Variants in CCDC7 observed in about 807,000 individuals in gnomAD.
CCDC7 encodes coiled-coil domain containing 7.
Under a neutral mutation model 196.9 loss-of-function variants are expected in CCDC7, and 183 were observed. The observed-to-expected ratio is 0.93, with a 90% CI of 0.82 to 1.05. CCDC7 has a LOEUF of 1.05. CCDC7 is among the 50% of genes least tolerant of loss of function. CCDC7 has a pLI of 0.00. For synonymous variants in CCDC7, 525 were observed against 484.6 expected (o/e 1.08, Z -1.10); for missense variants, 1,540 against 1,482.2 (o/e 1.04, Z -0.64).
chr10:32,678,667 A>G (rs977673401), intron 21 of CCDC7, among the ~76,000 whole-genome samples: 1 of 152,158 alleles, frequency 6.6e-6, no homozygotes, highest in African/African-American at 2.4e-5. Context: ...CTCTCAGGTT[A>G]TACCATAACA....
At chr10:32,731,201 G>A (rs2083908229) in intron 28 of CCDC7, among the ~76,000 whole-genome samples, 2 of 152,058 alleles carry the variant, frequency 1.3e-5, no homozygotes, top group East Asian at 3.9e-4. Context: ...TCAGTCTCTA[G>A]TAAGGTCTTT....
rs540184607 is a variant in CCDC7, at chr10:32,637,819, G to A, written c.2014+2661G>A. ...GCCTTGAATCTATAAATTACCTTGG[G>A]CAGTATGGTCATTTTCACGATATTG... On this transcript the variant is annotated intron_variant, in intron 20 of 41. Transcript: ENST00000639629. Among the ~76,000 whole-genome samples the A allele has an allele frequency of 5.6e-4, 85 of 152,246 alleles. No individual in the cohort carries two copies. In the South Asian group the frequency reaches 0.017, roughly 31 times the overall value.
intron 20 of CCDC7, among the ~76,000 whole-genome samples, chr10:32,649,674 A>C (rs1490143735): frequency 6.6e-6 from 1 of 152,224 alleles, no homozygotes; most frequent in Non-Finnish European, 1.5e-5. Context: ...TTGCCTTCTT[A>C]CATAATCCCA....
chr10:32,800,710 C>G (rs1467671460), intron 29 of CCDC7, among the ~76,000 whole-genome samples: 1 of 152,106 alleles, frequency 6.6e-6, no homozygotes, highest in Admixed American at 6.5e-5. Flanking sequence ...GTAGTGGGAT[C>G]CTTCCTCAAG....
Position 32,552,542 on chromosome 10 carries a change from T to A in CCDC7, c.1134+8241T>A, listed in dbSNP as rs1203427867. On this transcript the variant is annotated intron_variant, in intron 13 of 41. Transcript: ENST00000639629. ...GTGAATTTATGCTTTAAAGAGGTTC[T>A]GTTTTGATGTGTTTCCAGGATTTGT... 3.3e-5 allele frequency among the ~76,000 whole-genome samples: 5 copies of A among 152,232 alleles called. No homozygotes were observed. In the East Asian group the frequency reaches 9.6e-4, roughly 29 times the overall value.
rs755122004 is a variant in CCDC7 at position 32,568,125 on chromosome 10, G to A, written c.1419+234G>A. Among the ~76,000 whole-genome samples, 11 of 148,750 alleles carry A rather than the reference G, an allele frequency of 7.4e-5. No individual in the cohort carries two copies. In the East Asian group the frequency reaches 1.6e-3, roughly 22 times the overall value. ...TGGTTCAAGGGATTCTCCTGCCTCC[G>A]CCTCCTGAGTAGCTGGGATTACAGG... On this transcript the variant is annotated intron_variant, in intron 15 of 41. Coordinates refer to ENST00000639629, the Ensembl canonical transcript of CCDC7.
At chr10:32,681,529 C>G (rs2075847075) in intron 21 of CCDC7, among the ~76,000 whole-genome samples, 1 of 152,062 alleles carries the variant, frequency 6.6e-6, no homozygotes, top group Admixed American at 6.6e-5. Context: ...GCCCAAGAGC[C>G]TGGTTGGCCA....
In CCDC7 at chr10:32,705,859, C is replaced by G. The variant is rs1056844968; in HGVS notation, c.2459-5761C>G. Among the ~76,000 whole-genome samples, 6 of 152,078 alleles carry G rather than the reference C, an allele frequency of 3.9e-5. 1 individual carries two copies. On this transcript the variant is annotated intron_variant, in intron 24 of 41. Coordinates refer to ENST00000639629, the Ensembl canonical transcript of CCDC7. Reference sequence around the variant, plus strand: ...CTACAAAGAGACTTAGACTCCCACACAATAACAATGGGAGACTTTAACACT... The same window carrying G: ...CTACAAAGAGACTTAGACTCCCACAGAATAACAATGGGAGACTTTAACACT...
exon 40 of CCDC7, chr10:32,851,870 A>G: frequency 6.2e-7 from 1 of 1,612,536 alleles, no homozygotes; most frequent in South Asian, 1.1e-5. Flanking sequence ...TATAGAACAT[A>G]TAGGGCTGGT....
intron 16 of CCDC7, among the ~76,000 whole-genome samples, chr10:32,572,705 G>T (rs1443079171): frequency 6.6e-6 from 1 of 151,804 alleles, no homozygotes; most frequent in East Asian, 1.9e-4. Context: ...AACTTATAAT[G>T]GTTGGTTTCT....
chr10:32,761,051 T>C (rs921200471), intron 28 of CCDC7, among the ~76,000 whole-genome samples: 5 of 152,060 alleles, frequency 3.3e-5, no homozygotes, highest in African/African-American at 1.2e-4. Flanking sequence ...TGGAAGTAAT[T>C]GTATTTTATT....
chr10:32,667,704 C>G (rs991250509), intron 21 of CCDC7, among the ~76,000 whole-genome samples: 2 of 152,094 alleles, frequency 1.3e-5, no homozygotes, highest in African/African-American at 4.8e-5. Context: ...TTTCTGAGGG[C>G]TCTGTTCTGT....
At chr10:32,598,189 C>G (rs2060617015) in intron 18 of CCDC7, among the ~76,000 whole-genome samples, 2 of 152,302 alleles carry the variant, frequency 1.3e-5, no homozygotes, top group Admixed American at 1.3e-4. Context: ...TTTACCTATT[C>G]AAGCCTCAGC....
intron 31 of CCDC7, among the ~76,000 whole-genome samples, chr10:32,815,650 T>C (rs546153940): frequency 3.9e-5 from 6 of 152,356 alleles, no homozygotes; most frequent in Admixed American, 3.9e-4. Context: ...ATCTGAGTTC[T>C]ATTAAATCTA....
At chr10:32,556,752 A>C (rs1474048168) in intron 13 of CCDC7, among the ~76,000 whole-genome samples, 2 of 152,220 alleles carry the variant, frequency 1.3e-5, no homozygotes, top group Non-Finnish European at 2.9e-5. Context: ...TTTCTTTAAA[A>C]ATCTCAGGAG....
intron 21 of CCDC7, among the ~76,000 whole-genome samples, chr10:32,674,567 GA>G (rs1405774941): frequency 6.6e-6 from 1 of 151,974 alleles, no homozygotes; most frequent in African/African-American, 2.4e-5. Flanking sequence ...GCTGCTTTTG[GA>G]TGGAATGTTC....
chr10:32,832,158 A>G (rs975725080), intron 32 of CCDC7, among the ~76,000 whole-genome samples: 1 of 152,168 alleles, frequency 6.6e-6, no homozygotes, highest in African/African-American at 2.4e-5. Context: ...GAGTGTAACC[A>G]TACAAAAGTT....
At chr10:32,487,679 C>G (rs1464235985) in intron 8 of CCDC7, among the ~76,000 whole-genome samples, 2 of 152,140 alleles carry the variant, frequency 1.3e-5, no homozygotes, top group Non-Finnish European at 2.9e-5. Context: ...GATGTCCTTT[C>G]TGTTTGTTAA....
At chr10:32,789,579 C>A (rs2082378193) in intron 29 of CCDC7, among the ~76,000 whole-genome samples, 2 of 149,240 alleles carry the variant, frequency 1.3e-5, no homozygotes, top group South Asian at 4.3e-4. Flanking sequence ...AAAAACCCTA[C>A]AAGAATTATG....
Sources: gnomAD v4.1 joint callset for allele counts (sites outside exome capture counted in the v4.1 genomes callset) on GRCh38, gnomAD v4.1.1 for gene constraint, MANE v1.5 for transcripts, NCBI Gene and HGNC (gene_info 2026-07-23, HGNC 2026-07-21) for gene names.